EIF4E3: variants seen among roughly 807,000 people sequenced by gnomAD.
EIF4E3 encodes eukaryotic translation initiation factor 4E type 3.
A neutral mutation model predicts 31.7 loss-of-function variants in EIF4E3; 26 were observed. That is an observed-to-expected ratio of 0.82 (90% CI 0.60 to 1.14). The LOEUF (loss-of-function observed/expected upper bound fraction) is 1.14, where lower values mean the gene tolerates loss of function less well. Among genes scored for constraint, EIF4E3 ranks in the 50% most tolerant of loss-of-function variants. The pLI is 0.00. For missense variants in EIF4E3, 304 were observed against 270.9 expected, an observed-to-expected ratio of 1.12 and a Z score of -0.86; for synonymous variants, 128 against 107.7, an observed-to-expected ratio of 1.19 and a Z score of -1.17.
intron 1 of EIF4E3, among the ~76,000 whole-genome samples, chr3:71,752,910 C>T (rs560243714): frequency 6.6e-6 from 1 of 152,290 alleles, no homozygotes; most frequent in South Asian, 2.1e-4. Flanking sequence ...AGGGGCTGCC[C>T]TTTCAGGCTT....
intron 1 of EIF4E3, among the ~76,000 whole-genome samples, chr3:71,737,239 C>T (rs1020768005): frequency 2.0e-5 from 3 of 152,144 alleles, no homozygotes; most frequent in African/African-American, 7.2e-5. Context: ...TTCACTTCTC[C>T]GAAGTCATCT....
intron 2 of EIF4E3, among the ~76,000 whole-genome samples, chr3:71,704,178 G>C (rs777162158): frequency 6.6e-6 from 1 of 152,210 alleles, no homozygotes; most frequent in Non-Finnish European, 1.5e-5. Context: ...TAGAGTAAAC[G>C]AGATGTGACA....
intron 3 of EIF4E3, 71 bp downstream of exon 3, chr3:71,699,543 A>C (rs1365501124): frequency 8.3e-6 from 11 of 1,321,258 alleles, no homozygotes; most frequent in Non-Finnish European, 9.8e-6. Context: ...ATCTCAGGTG[A>C]TATGATCTTT....
chr3:71,752,646 A>G (rs1157260416), intron 1 of EIF4E3, among the ~76,000 whole-genome samples: 1 of 152,268 alleles, frequency 6.6e-6, no homozygotes, highest in Non-Finnish European at 1.5e-5. Context: ...ACCAAAAACC[A>G]GGCATGATCC....
chr3:71,668,560 C>T, the EIF4E3 span, among the ~76,000 whole-genome samples: 1 of 151,044 alleles, frequency 6.6e-6, no homozygotes, highest in Admixed American at 6.6e-5. Context: ...AAAAAAAAAA[C>T]AACCCCATCA....
intron 2 of EIF4E3, among the ~76,000 whole-genome samples, chr3:71,705,172 G>A (rs1186735501): frequency 6.6e-6 from 1 of 152,068 alleles, no homozygotes; most frequent in Non-Finnish European, 1.5e-5. Context: ...ACCATGGGCT[G>A]TCTTGCTGTG....
intron 1 of EIF4E3, among the ~76,000 whole-genome samples, chr3:71,737,433 C>T (rs961901708): frequency 3.3e-5 from 5 of 152,252 alleles, no homozygotes; most frequent in Admixed American, 2.0e-4. Flanking sequence ...AAATTAATAG[C>T]AGTCTAATTT....
chr3:71,714,642 C>T (rs1014486911), intron 1 of EIF4E3, among the ~76,000 whole-genome samples: 127 of 152,314 alleles, frequency 8.3e-4, no homozygotes, highest in African/African-American at 3.0e-3. Context: ...GTTTACCAAG[C>T]AAAATTGGGC....
Position 71,679,117 on chromosome 3 carries a change from T to C in EIF4E3, c.*5565A>G, listed in dbSNP as rs919740038. 6.6e-6 allele frequency: 1 copy of C among 152,176 alleles called. No homozygotes were observed. Among genetic ancestry groups the C allele is most frequent in the Non-Finnish European group, 1.5e-5 (1 of 68,014 alleles). The allele number at this position is 152,176 out of a possible 1,614,324, so 9.4% of individuals were successfully genotyped here. A position where few individuals can be genotyped will look rare whatever the true frequency, so the allele number is the denominator to read the frequency against. ...CCTCTATTTGAAAACAGAAACACTG[T>C]AAGTTTATTAAAATGTTCAAAGTCC... On this transcript the variant is annotated 3_prime_UTR_variant, in exon 7 of 7. Transcript: ENST00000425534.
At chr3:71,671,140 G>T (rs376058605), downstream of EIF4E3, among the ~76,000 whole-genome samples, 26 of 152,244 alleles carry the variant, frequency 1.7e-4, no homozygotes, top group African/African-American at 5.8e-4. Flanking sequence ...ACTTACAATG[G>T]CCATACACAC....
At position 71,725,392 on chromosome 3, in the gene EIF4E3, G is replaced by T; in HGVS notation, c.-25C>A. ...TTTTCTCCGCCCCGCCTGCAAGGCC[G>T]GCGGACGCGCGGACCGCGGGGCGAG... On this transcript the variant is annotated 5_prime_UTR_variant, in exon 1 of 7. Transcript: ENST00000425534. This position sits in a 1 kb window ranked among gnomAD's most constrained non-coding sequence, Gnocchi z 6.1. 2 of 977,296 alleles carry T rather than the reference G, an allele frequency of 2.0e-6. No homozygotes were observed. The highest frequency in any genetic ancestry group is 1.8e-5 in the African/African-American group (1 of 56,384). 60.5% of individuals were successfully genotyped at this position (977,296 alleles called of 1,614,324 possible).
chr3:71,671,951 C>T (rs934857783), downstream of EIF4E3, among the ~76,000 whole-genome samples: 4 of 152,034 alleles, frequency 2.6e-5, no homozygotes, highest in African/African-American at 7.2e-5. Flanking sequence ...TTGGATGCTC[C>T]GCAGAACAGG....
At chr3:71,732,477 T>C (rs762921290) in intron 1 of EIF4E3, among the ~76,000 whole-genome samples, 15 of 152,238 alleles carry the variant, frequency 9.9e-5, no homozygotes, top group Non-Finnish European at 1.6e-4. Flanking sequence ...TAAAGACCTT[T>C]GTTGTGGCCA....
In EIF4E3 at chr3:71,677,238, C is replaced by G. The variant is rs546290350; in HGVS notation, c.*7444G>C. The G allele has an allele frequency of 6.6e-6, 1 of 152,324 alleles. No individual in the cohort carries two copies. The highest frequency in any genetic ancestry group is 1.9e-4 in the East Asian group (1 of 5,190). The allele number at this position is 152,324 out of a possible 1,614,324, so 9.4% of individuals were successfully genotyped here. On this transcript the variant is annotated 3_prime_UTR_variant, in exon 7 of 7. Coordinates refer to ENST00000425534, the MANE Select transcript of EIF4E3 (RefSeq NM_001134651.2). ...GGGAAATAGAAACATATTTTAATGA[C>G]ATATATTTTAACTTGCTGGCCCTTG...
chr3:71,689,991 CT>C lies in EIF4E3; in HGVS notation c.628+18del, dbSNP rs774788789. The C allele has an allele frequency of 8.8e-6, 14 of 1,583,344 alleles. No individual in the cohort carries two copies. The highest frequency in any genetic ancestry group is 1.1e-5 in the Non-Finnish European group (13 of 1,164,520). The stretch of plus-strand genomic sequence containing the variant: ...GATAGAGTAAGCTAGAAAGTAATAA[CT>C]GGAAATGAAGCACTTACGTTTATAA... On this transcript the variant is annotated intron_variant, in intron 6 of 6. Transcript: ENST00000425534.
rs538707425 is a variant in EIF4E3, at chr3:71,680,549, A to G, written c.*4133T>C. On this transcript the variant is annotated 3_prime_UTR_variant, in exon 7 of 7. Coordinates refer to ENST00000425534, the MANE Select transcript of EIF4E3 (RefSeq NM_001134651.2). ...TTTTGGCCTGAGTGGGCCAATCTGA[A>G]TAAGTATTCTTAGATTTGGATGTAT... 1.3e-5 allele frequency: 2 copies of G among 152,334 alleles called. No individual in the cohort carries two copies. Among genetic ancestry groups the G allele is most frequent in the East Asian group, 1.9e-4 (1 of 5,188 alleles). The allele number at this position is 152,334 out of a possible 1,614,324, so 9.4% of individuals were successfully genotyped here. A position where few individuals can be genotyped will look rare whatever the true frequency, so the allele number is the denominator to read the frequency against.
the EIF4E3 span, among the ~76,000 whole-genome samples, chr3:71,670,048 T>G: frequency 6.6e-6 from 1 of 152,216 alleles, no homozygotes; most frequent in Non-Finnish European, 1.5e-5. Flanking sequence ...CAACCATTTC[T>G]GCCTTATCGT....
chr3:71,717,956 C>G (rs1364584127), intron 1 of EIF4E3, among the ~76,000 whole-genome samples: 1 of 152,140 alleles, frequency 6.6e-6, no homozygotes, highest in African/African-American at 2.4e-5. Flanking sequence ...TACAGTATAT[C>G]CAATTACTCG....
intron 1 of EIF4E3, among the ~76,000 whole-genome samples, chr3:71,712,239 G>C (rs907489837): frequency 2.0e-5 from 3 of 152,180 alleles, no homozygotes; most frequent in Non-Finnish European, 4.4e-5. Flanking sequence ...ATGTCAAAGA[G>C]TGTGGCAAAG....
Sources: allele counts gnomAD v4.1 joint callset (sites outside exome capture counted in the v4.1 genomes callset), GRCh38; gene constraint gnomAD v4.1.1; non-coding constraint Gnocchi (gnomAD v3.1); transcripts MANE v1.5; gene names NCBI Gene and HGNC (gene_info 2026-07-23, HGNC 2026-07-21).